FMN1: variants seen among roughly 807,000 people sequenced by gnomAD.
FMN1 encodes the protein formin 1.
In FMN1, 110 loss-of-function variants were observed where a neutral mutation model predicts 132.4. The ratio of observed to expected loss-of-function variants is 0.83; its 90% CI spans 0.71 to 0.97. The LOEUF (loss-of-function observed/expected upper bound fraction) is 0.97, where lower values mean the gene tolerates loss of function less well. Among genes scored for constraint, FMN1 ranks in the 50% least tolerant of loss-of-function variants. FMN1 has a pLI of 0.00. For synonymous variants in FMN1, 722 were observed against 651.7 expected (o/e 1.11, Z -1.64); for missense variants, 1,792 against 1,705.3 (o/e 1.05, Z -0.90).
At chr15:33,180,837 C>G (rs897734172) in intron 2 of FMN1, among the ~76,000 whole-genome samples, 2 of 151,778 alleles carry the variant, frequency 1.3e-5, no homozygotes, top group African/African-American at 4.8e-5. Context: ...GCAACCTCCC[C>G]CTCCAGGGTT....
At chr15:33,037,229 G>A (rs569053484) in intron 6 of FMN1, among the ~76,000 whole-genome samples, 38 of 152,314 alleles carry the variant, frequency 2.5e-4, no homozygotes, top group African/African-American at 8.4e-4. Flanking sequence ...CACACTGGAC[G>A]GTTTTCCAGG....
chr15:33,110,739 A>G (rs1262823074), intron 4 of FMN1, among the ~76,000 whole-genome samples: 1 of 152,072 alleles, frequency 6.6e-6, no homozygotes, highest in East Asian at 1.9e-4. Flanking sequence ...TAAAAATGCA[A>G]TATTAAATCC....
chr15:32,902,645 A>G (rs1398681291), intron 12 of FMN1, among the ~76,000 whole-genome samples: 1 of 152,240 alleles, frequency 6.6e-6, no homozygotes, highest in Non-Finnish European at 1.5e-5. Context: ...AGAACAAAGC[A>G]GGCACTCATT....
At chr15:33,106,573 T>C (rs1208570114) in intron 4 of FMN1, among the ~76,000 whole-genome samples, 1 of 152,106 alleles carries the variant, frequency 6.6e-6, no homozygotes, top group Non-Finnish European at 1.5e-5. Context: ...GAAAACACTC[T>C]TTCCATCCAA....
At position 33,128,636 on chromosome 15, in the gene FMN1, T is replaced by C. The variant is rs528843557; in HGVS notation, c.1867+24412A>G. ...ACCTTTGCGGCAAGTGTTACAGCTC[T>C]TAAAGACGGTGCGTCCGGATGCTCC... On this transcript the variant is annotated intron_variant, in intron 4 of 20. Coordinates refer to ENST00000616417, the MANE Select transcript of FMN1 (RefSeq NM_001277313.2). 4.6e-5 allele frequency among the ~76,000 whole-genome samples: 7 copies of C among 152,366 alleles called. No individual in the cohort carries two copies. The South Asian group carries it at 1.0e-3, about 23-fold the overall frequency.
At chr15:32,803,215 T>A (rs1302974485) in intron 18 of FMN1, among the ~76,000 whole-genome samples, 1 of 152,244 alleles carries the variant, frequency 6.6e-6, no homozygotes, top group Non-Finnish European at 1.5e-5. Flanking sequence ...AGCTCATTTG[T>A]CCTTAGATGC....
chr15:33,176,505 CCA>C (rs377243580), intron 3 of FMN1, among the ~76,000 whole-genome samples: 6,187 of 49,594 alleles, frequency 0.12, 295 homozygotes, highest in East Asian at 0.46. Flanking sequence ...GACCCTGTCT[CCA>C]AAAAAAAAAA....
chr15:33,090,542 A>T (rs16964825), intron 4 of FMN1, among the ~76,000 whole-genome samples: 8,406 of 151,844 alleles, frequency 0.055, 768 homozygotes, highest in African/African-American at 0.19. Flanking sequence ...GAAAAATGAG[A>T]GTCCAGGGCT....
intron 4 of FMN1, among the ~76,000 whole-genome samples, chr15:33,127,644 G>A (rs1234216751): frequency 1.3e-5 from 2 of 151,452 alleles, no homozygotes; most frequent in Non-Finnish European, 2.9e-5. Context: ...ATCAAACTCA[G>A]CACCATTCCA....
chr15:32,809,214 TAA>T (rs1338039408), intron 17 of FMN1, among the ~76,000 whole-genome samples: 1 of 152,124 alleles, frequency 6.6e-6, no homozygotes, highest in East Asian at 1.9e-4. Context: ...CAATACCAAA[TAA>T]AAGACAATGA....
chr15:33,136,870 C>T (rs990369152), intron 4 of FMN1, among the ~76,000 whole-genome samples: 1 of 151,926 alleles, frequency 6.6e-6, no homozygotes, highest in African/African-American at 2.4e-5. Context: ...GGCAGATCAC[C>T]TGAGATCAGG....
At chr15:32,963,556 TTTTA>T (rs1418113440) in intron 9 of FMN1, among the ~76,000 whole-genome samples, 1 of 152,140 alleles carries the variant, frequency 6.6e-6, no homozygotes, top group African/African-American at 2.4e-5. Flanking sequence ...AACTAAATTA[TTTTA>T]TTTAATTTCA....
chr15:33,018,568 G>T (rs531177337), intron 6 of FMN1, among the ~76,000 whole-genome samples: 1 of 152,190 alleles, frequency 6.6e-6, no homozygotes, highest in African/African-American at 2.4e-5. Context: ...CGCCCAAGAA[G>T]AAATGTAAGC....
chr15:33,057,828 C>T (rs1208122297), intron 6 of FMN1, among the ~76,000 whole-genome samples: 2 of 152,066 alleles, frequency 1.3e-5, no homozygotes, highest in Non-Finnish European at 2.9e-5. Flanking sequence ...ATAATTTGTT[C>T]TACAAAAGAA....
intron 7 of FMN1, among the ~76,000 whole-genome samples, chr15:32,997,636 A>G (rs2033852565): frequency 6.6e-6 from 1 of 152,132 alleles, no homozygotes; most frequent in Non-Finnish European, 1.5e-5. Flanking sequence ...CAGGATTATA[A>G]ACATCTCCAA....
intron 17 of FMN1, among the ~76,000 whole-genome samples, chr15:32,805,903 C>T (rs913752645): frequency 2.6e-5 from 4 of 152,132 alleles, no homozygotes; most frequent in Non-Finnish European, 5.9e-5. Context: ...ATCAGTGATA[C>T]TAAGATACAA....
intron 17 of FMN1, among the ~76,000 whole-genome samples, chr15:32,822,631 C>T (rs74011841): frequency 0.16 from 24,209 of 152,012 alleles, 2,191 homozygotes; most frequent in East Asian, 0.46. Flanking sequence ...CATATGTGTA[C>T]ATTTATTTTT....
chr15:33,032,761 G>A (rs1330572547), intron 6 of FMN1, among the ~76,000 whole-genome samples: 1 of 152,122 alleles, frequency 6.6e-6, no homozygotes, highest in South Asian at 2.1e-4. Context: ...ACGCAGTAAA[G>A]CCACACAATT....
At chr15:33,068,123 G>A in intron 5 of FMN1, 1 of 975,578 alleles carries the variant, frequency 1.0e-6, no homozygotes, top group Non-Finnish European at 1.4e-6. Context: ...ATGCCCAGAA[G>A]CAGCCGAGGC....
Sources: gnomAD v4.1 joint callset for allele counts (sites outside exome capture counted in the v4.1 genomes callset) on GRCh38, gnomAD v4.1.1 for gene constraint, MANE v1.5 for transcripts, NCBI Gene and HGNC (gene_info 2026-07-23, HGNC 2026-07-21) for gene names.